The following OSBPL1A variants were observed in gnomAD, a reference collection of about 807,000 sequenced individuals.
The protein encoded by OSBPL1A is oxysterol-binding protein-related protein 1.
OSBPL1A carries 80 observed loss-of-function variants against 137.1 expected under a neutral mutation model. The ratio of observed to expected loss-of-function variants is 0.58; its 90% CI spans 0.49 to 0.70. The LOEUF (loss-of-function observed/expected upper bound fraction) is 0.70, where lower values mean the gene tolerates loss of function less well. OSBPL1A is among the 30% of genes least tolerant of loss of function. The probability of loss-of-function intolerance (pLI) is 0.00; values close to 1 mark genes in which losing one functional copy is unlikely to be tolerated. For missense variants in OSBPL1A, 970 were observed against 1,129.4 expected (o/e 0.86, Z 2.02); for synonymous variants, 365 against 389.7 (o/e 0.94, Z 0.75).
At chr18:24,171,009 A>G in intron 23 of OSBPL1A, among the ~76,000 whole-genome samples, 1 of 151,232 alleles carries the variant, frequency 6.6e-6, no homozygotes, top group East Asian at 1.9e-4. Flanking sequence ...ACTTATTAGA[A>G]TGCTTGTTTC....
intron 13 of OSBPL1A, among the ~76,000 whole-genome samples, chr18:24,304,480 A>C (rs913792563): frequency 2.0e-5 from 3 of 152,182 alleles, no homozygotes; most frequent in African/African-American, 7.2e-5. Flanking sequence ...CCCTTTAAAG[A>C]GGTGGGAAGA....
chr18:24,197,233 G>A (rs575194880), intron 17 of OSBPL1A, among the ~76,000 whole-genome samples: 87 of 152,104 alleles, frequency 5.7e-4, no homozygotes, highest in Non-Finnish European at 1.0e-3. Flanking sequence ...TGTAATCCCA[G>A]CTACTCAGGA....
chr18:24,391,186 C>G (rs894677107), intron 1 of OSBPL1A, among the ~76,000 whole-genome samples: 8 of 152,120 alleles, frequency 5.3e-5, no homozygotes, highest in African/African-American at 1.9e-4. Context: ...AAATCACTCA[C>G]AAAAGGACAA....
chr18:24,329,654 T>A (rs1184975446), intron 7 of OSBPL1A, among the ~76,000 whole-genome samples: 4 of 151,828 alleles, frequency 2.6e-5, no homozygotes, highest in Admixed American at 1.3e-4. Flanking sequence ...TAATTACATA[T>A]AAAATATATA....
intron 24 of OSBPL1A, among the ~76,000 whole-genome samples, chr18:24,169,086 T>A (rs1025306988): frequency 2.0e-5 from 3 of 152,116 alleles, no homozygotes; most frequent in African/African-American, 7.2e-5. Flanking sequence ...TAGAGCACAG[T>A]TGGTGCACAG....
chr18:24,217,024 T>A (rs899753810), intron 17 of OSBPL1A, among the ~76,000 whole-genome samples: 2 of 152,026 alleles, frequency 1.3e-5, no homozygotes, highest in Non-Finnish European at 2.9e-5. Context: ...CCTACAAATA[T>A]CTATAAAAAA....
intron 7 of OSBPL1A, among the ~76,000 whole-genome samples, chr18:24,330,006 G>T (rs945389671): frequency 6.6e-6 from 1 of 152,130 alleles, no homozygotes; most frequent in African/African-American, 2.4e-5. Context: ...GTGGATCCAC[G>T]ACGGTACTTA....
intron 12 of OSBPL1A, among the ~76,000 whole-genome samples, chr18:24,313,665 C>A (rs1599652909): frequency 6.6e-6 from 1 of 152,094 alleles, no homozygotes; most frequent in Non-Finnish European, 1.5e-5. Context: ...TAAGTTAAGG[C>A]GTAGACCTGT....
chr18:24,358,119 G>A (rs1383909075), intron 4 of OSBPL1A: 1 of 308,680 alleles, frequency 3.2e-6, no homozygotes, highest in Non-Finnish European at 5.9e-6. Context: ...TTTAGCATAC[G>A]ATGAGAAACT....
At chr18:24,224,985 T>C in intron 17 of OSBPL1A, 57 bp downstream of exon 17, 5 of 1,598,348 alleles carry the variant, frequency 3.1e-6, no homozygotes, top group Non-Finnish European at 3.4e-6. Flanking sequence ...TCTTTATGAA[T>C]CCAAATGTAC....
chr18:24,223,410 T>G (rs977147472), intron 17 of OSBPL1A, among the ~76,000 whole-genome samples: 3 of 152,096 alleles, frequency 2.0e-5, no homozygotes, highest in African/African-American at 4.8e-5. Context: ...ATTTCCTAAG[T>G]TTTCCTCTTT....
chr18:24,253,441 C>T (rs2089173586), intron 15 of OSBPL1A, among the ~76,000 whole-genome samples: 1 of 152,134 alleles, frequency 6.6e-6, no homozygotes, highest in African/African-American at 2.4e-5. Context: ...TGTAACCGCC[C>T]AATGGGCTCA....
intron 13 of OSBPL1A, chr18:24,311,634 C>A: frequency 2.5e-6 from 1 of 401,538 alleles, no homozygotes; most frequent in East Asian, 1.2e-4. Context: ...CTGAAATGTG[C>A]AGTGAAGTCA....
chr18:24,365,627 A>G lies in OSBPL1A; in HGVS notation c.282+1265T>C, dbSNP rs181933149. 2.9e-3 allele frequency among the ~76,000 whole-genome samples: 444 copies of G among 152,070 alleles called. 2 individuals are homozygous for G. Among genetic ancestry groups the G allele is most frequent in the Non-Finnish European group, 4.1e-3 (280 of 67,970 alleles). On this transcript the variant is annotated intron_variant, in intron 4 of 27. Coordinates refer to ENST00000319481, the MANE Select transcript of OSBPL1A (RefSeq NM_080597.4). ...TAGGAAAGGCAAATATCTAATATCT[A>G]GAGAAAGGAAACAATTCAGTGGTAC...
chr18:24,363,865 C>T (rs1191458914), intron 4 of OSBPL1A, among the ~76,000 whole-genome samples: 3 of 151,546 alleles, frequency 2.0e-5, no homozygotes, highest in African/African-American at 7.3e-5. Context: ...CTCAAACTCC[C>T]GTGCTCAAGT....
At chr18:24,258,925 C>CTT (rs543867145) in intron 15 of OSBPL1A, among the ~76,000 whole-genome samples, 22,124 of 92,752 alleles carry the variant, frequency 0.24, 4,199 homozygotes, top group Non-Finnish European at 0.34. Flanking sequence ...AAAATTACAT[C>CTT]TTTTTTTTTT....
chr18:24,306,380 C>T (rs528520426), intron 13 of OSBPL1A, among the ~76,000 whole-genome samples: 1 of 152,182 alleles, frequency 6.6e-6, no homozygotes, highest in Non-Finnish European at 1.5e-5. Flanking sequence ...GAGAGGAATG[C>T]ATAGGCTAGT....
At chr18:24,328,296 A>G (rs1216069257) in intron 7 of OSBPL1A, among the ~76,000 whole-genome samples, 2 of 132,216 alleles carry the variant, frequency 1.5e-5, no homozygotes, top group South Asian at 4.6e-4. Context: ...TCCTGACCTC[A>G]TGATCCGCCC....
intron 2 of OSBPL1A, among the ~76,000 whole-genome samples, chr18:24,373,912 G>C (rs1263620448): frequency 6.6e-6 from 1 of 151,982 alleles, no homozygotes; most frequent in African/African-American, 2.4e-5. Flanking sequence ...CTGACTGACA[G>C]GTATAATGAG....
Sources: gnomAD v4.1 joint callset for allele counts (sites outside exome capture counted in the v4.1 genomes callset) on GRCh38, gnomAD v4.1.1 for gene constraint, MANE v1.5 for transcripts, NCBI Gene and HGNC (gene_info 2026-07-23, HGNC 2026-07-21) for gene names.